UBE2Q2: variants seen among roughly 807,000 people sequenced by gnomAD.
UBE2Q2 encodes the protein ubiquitin-conjugating enzyme E2 Q2.
Under a neutral mutation model 59.9 loss-of-function variants are expected in UBE2Q2, and 54 were observed. The observed-to-expected ratio is 0.90, with a 90% CI of 0.72 to 1.13. The LOEUF is 1.13. Ranked by LOEUF, UBE2Q2 falls within the 50% of genes most tolerant of loss-of-function variation. UBE2Q2 has a pLI of 0.00. For synonymous variants in UBE2Q2, 165 were observed against 155.2 expected, an observed-to-expected ratio of 1.06 and a Z score of -0.47; for missense variants, 433 against 441.9, an observed-to-expected ratio of 0.98 and a Z score of 0.18.
intron 1 of UBE2Q2, among the ~76,000 whole-genome samples, chr15:75,849,339 C>A (rs2593302): frequency 0.098 from 14,935 of 152,088 alleles, 1,867 homozygotes; most frequent in African/African-American, 0.3. Context: ...CTGAACCTTC[C>A]AGAAGTTTGT....
chr15:75,874,923 A>G (rs1177954241), intron 5 of UBE2Q2, among the ~76,000 whole-genome samples: 4 of 152,202 alleles, frequency 2.6e-5, no homozygotes, highest in Non-Finnish European at 5.9e-5. Flanking sequence ...GTAGATGCCA[A>G]ATGTTGAAAA....
At chr15:75,888,197 A>C (rs942363944) in intron 9 of UBE2Q2, among the ~76,000 whole-genome samples, 2 of 152,106 alleles carry the variant, frequency 1.3e-5, no homozygotes, top group Non-Finnish European at 2.9e-5. Flanking sequence ...ATTTCAGAAC[A>C]TTTTCATGAC....
At chr15:75,847,781 T>A (rs2141529794) in intron 1 of UBE2Q2, among the ~76,000 whole-genome samples, 1 of 152,214 alleles carries the variant, frequency 6.6e-6, no homozygotes. Flanking sequence ...TGGTAGGAAA[T>A]CACTGTTTTA....
At chr15:75,867,495 C>T (rs146626726) in intron 3 of UBE2Q2, among the ~76,000 whole-genome samples, 25 of 152,274 alleles carry the variant, frequency 1.6e-4, no homozygotes, top group African/African-American at 4.6e-4. Flanking sequence ...TCTGCTACTG[C>T]GGCAGACCTA....
rs558842865 is a variant in UBE2Q2, at chr15:75,876,209, A to C, written c.611A>C (p.Gln204Pro). The C allele has an allele frequency of 6.2e-7, 1 of 1,614,094 alleles. No homozygotes were observed. Among genetic ancestry groups the C allele is most frequent in the South Asian group, 1.1e-5 (1 of 91,078 alleles). ...CAGGGTGCAGTGTCTGGGTCAGTGC[A>C]AGCTTCAGATAGACTTATGAAAGAG... ...HLNGAVSGSV[Q>P]ASDRLMKELR... is the part of the protein sequence containing the mutation. The change falls in exon 6 of 13, where the codon CAA becomes CCA. Residue 204 changes from glutamine to proline, a missense_variant. Coordinates refer to ENST00000267938, the MANE Select transcript of UBE2Q2 (RefSeq NM_173469.4).
At chr15:75,890,367 G>A (rs1899027271) in intron 9 of UBE2Q2, 68 bp from the exon 10 acceptor site, 1 of 1,227,448 alleles carries the variant, frequency 8.1e-7, no homozygotes, top group Admixed American at 2.3e-5. Context: ...CTTGGTAATG[G>A]CACTTAGAAA....
chr15:75,879,041 TAAA>T, intron 7 of UBE2Q2, 54 bp from the exon 8 acceptor site: 9 of 1,164,240 alleles, frequency 7.7e-6, no homozygotes, highest in South Asian at 1.7e-5. Context: ...TGAGTTTAGT[TAAA>T]AAAAAAAATC....
intron 11 of UBE2Q2, among the ~76,000 whole-genome samples, chr15:75,891,436 CT>C (rs1251141112): frequency 2.0e-5 from 3 of 146,906 alleles, no homozygotes; most frequent in Non-Finnish European, 4.5e-5. Context: ...AGGCTCTAGT[CT>C]TTTCATTTAT....
chr15:75,856,269 GTATATATATATATATA>G (rs60490503), intron 2 of UBE2Q2, among the ~76,000 whole-genome samples: 1 of 139,276 alleles, frequency 7.2e-6, no homozygotes, highest in African/African-American at 2.7e-5. Flanking sequence ...GTGTGTGTGT[GTATATATATATATATA>G]TATATATAAT....
chr15:75,859,929 C>G lies in UBE2Q2; in HGVS notation c.334C>G (p.Leu112Val), dbSNP rs776629131. Residue 112 changes from leucine to valine, a missense_variant, in exon 3 of 13, where the codon CTT (leucine) becomes GTT (valine). Coordinates refer to ENST00000267938, the MANE Select transcript of UBE2Q2 (RefSeq NM_173469.4). ...LICELCSLYNLPKHLDVEMLD... is the reference protein window; with the variant it reads ...LICELCSLYNVPKHLDVEMLD... The stretch of plus-strand genomic sequence containing the variant: ...ATGTGAACTCTGCAGTTTATATAAC[C>G]TTCCTAAGCACCTGGATGTTGAGAT... 6.2e-7 allele frequency: 1 copy of G among 1,603,638 alleles called. No individual in the cohort carries two copies. The highest frequency in any genetic ancestry group is 2.2e-5 in the East Asian group (1 of 44,554).
Position 75,873,471 on chromosome 15 carries a change from C to T in UBE2Q2, c.491C>T (p.Pro164Leu), listed in dbSNP as rs371805905. The change falls in exon 5 of 13, where the codon CCT (proline) becomes CTT (leucine). Residue 164 changes from proline to leucine, a missense_variant. By Grantham distance (98) the Pro-to-Leu change is moderately conservative (BLOSUM62 -3). Transcript: ENST00000267938. ...LDHYEMKEEEPISGKKSEDEG... is the reference protein window; with the variant it reads ...LDHYEMKEEELISGKKSEDEG... ...CACTATGAGATGAAGGAAGAAGAGC[C>T]TATTAGTGGGAAAAAGTCAGAGGAT... 27 of 1,613,120 alleles carry T rather than the reference C, an allele frequency of 1.7e-5. No homozygotes were observed. The highest frequency in any genetic ancestry group is 2.1e-5 in the Non-Finnish European group (25 of 1,179,836).
At chr15:75,887,585 C>T (rs1443586321) in intron 9 of UBE2Q2, among the ~76,000 whole-genome samples, 1 of 145,340 alleles carries the variant, frequency 6.9e-6, no homozygotes, top group Non-Finnish European at 1.5e-5. Flanking sequence ...TTTTTTTCCC[C>T]CTCTGCTAAG....
chr15:75,855,868 T>G (rs1162116057), intron 2 of UBE2Q2, among the ~76,000 whole-genome samples: 1 of 152,222 alleles, frequency 6.6e-6, no homozygotes, highest in African/African-American at 2.4e-5. Flanking sequence ...AATATGTCAC[T>G]TATCGCCATG....
chr15:75,874,680 C>T (rs750856983), intron 5 of UBE2Q2, among the ~76,000 whole-genome samples: 1 of 152,150 alleles, frequency 6.6e-6, no homozygotes, highest in Non-Finnish European at 1.5e-5. Flanking sequence ...TTCCTCAGCT[C>T]TAAAATATGG....
At chr15:75,894,863 C>T (rs1595900881) in intron 11 of UBE2Q2, among the ~76,000 whole-genome samples, 1 of 152,094 alleles carries the variant, frequency 6.6e-6, no homozygotes, top group East Asian at 1.9e-4. Context: ...ATAGTTTTTA[C>T]GTCCAGTTTG....
chr15:75,847,209 G>A (rs1270150989), intron 1 of UBE2Q2, among the ~76,000 whole-genome samples: 4 of 152,042 alleles, frequency 2.6e-5, no homozygotes, highest in Non-Finnish European at 5.9e-5. Flanking sequence ...AGTATATAGC[G>A]CTATTCTAGC....
intron 6 of UBE2Q2, 39 bp from the exon 7 acceptor site, chr15:75,877,922 T>C (rs1287848377): frequency 6.4e-7 from 1 of 1,574,442 alleles, no homozygotes. Flanking sequence ...AGTTATATGA[T>C]GAAATGAAGA....
At position 75,879,111 on chromosome 15, in the gene UBE2Q2, A is replaced by C; in HGVS notation, c.748A>C (p.Ser250Arg). ...HVKLQKVDPD[S>R]PLHSDLQILK... ...TGTAATTCTTAGGGTTGACCCTGATAGTCCTTTGCACAGTGATCTTCAGAT... is the reference window on the plus strand; with the variant it reads ...TGTAATTCTTAGGGTTGACCCTGATCGTCCTTTGCACAGTGATCTTCAGAT... The change falls in exon 8 of 13, where the codon AGT becomes CGT. Residue 250 changes from serine (S) to arginine (R), a missense_variant. Transcript: ENST00000267938. The C allele has an allele frequency of 3.2e-6, 5 of 1,580,932 alleles. No individual in the cohort carries two copies. Among genetic ancestry groups the C allele is most frequent in the Non-Finnish European group, 4.3e-6 (5 of 1,166,730 alleles).
At chr15:75,859,639 T>G (rs1053809649) in intron 2 of UBE2Q2, among the ~76,000 whole-genome samples, 2 of 152,214 alleles carry the variant, frequency 1.3e-5, no homozygotes, top group East Asian at 1.9e-4. Context: ...TCCTCTGCCC[T>G]TATTGTTGTC....
Sources: allele counts gnomAD v4.1 joint callset (sites outside exome capture counted in the v4.1 genomes callset), GRCh38; gene constraint gnomAD v4.1.1; transcripts MANE v1.5; gene names NCBI Gene and HGNC (gene_info 2026-07-23, HGNC 2026-07-21).